Variants in LRRC7 observed in about 807,000 individuals in gnomAD.
LRRC7 encodes the protein leucine-rich repeat-containing protein 7.
A neutral mutation model predicts 175.7 loss-of-function variants in LRRC7; 23 were observed. The ratio of observed to expected loss-of-function variants is 0.13; its 90% CI spans 0.09 to 0.19. The LOEUF (loss-of-function observed/expected upper bound fraction) is 0.19, where lower values mean the gene tolerates loss of function less well. Ranked by LOEUF, LRRC7 falls within the 10% of genes least tolerant of loss-of-function variation. LRRC7 has a pLI of 1.00. For missense variants in LRRC7, 1,354 were observed against 1,904.7 expected (o/e 0.71, Z 5.38); for synonymous variants, 685 against 680.9 (o/e 1.01, Z -0.09).
chr1:69,879,646 G>T (rs1050935469), intron 7 of LRRC7: 2 of 152,448 alleles, frequency 1.3e-5, no homozygotes, highest in Admixed American at 1.3e-4. Context: ...TGAGGCAGGA[G>T]GATTTCTTGA....
intron 1 of LRRC7, among the ~76,000 whole-genome samples, chr1:69,571,908 C>T (rs1008492476): frequency 9.9e-5 from 15 of 152,158 alleles, no homozygotes; most frequent in African/African-American, 3.6e-4. Context: ...AAAATTATTT[C>T]AAACATATAT....
chr1:69,686,802 A>G (rs1314889968), intron 2 of LRRC7, among the ~76,000 whole-genome samples: 2 of 152,170 alleles, frequency 1.3e-5, no homozygotes, highest in Non-Finnish European at 2.9e-5. Context: ...TGGTTAAAAG[A>G]CAAAGCTTGT....
At chr1:70,067,676 T>TTGATAAGAATTAAACTGGTA (rs1662080177) in intron 23 of LRRC7, among the ~76,000 whole-genome samples, 1 of 152,128 alleles carries the variant, frequency 6.6e-6, no homozygotes, top group Non-Finnish European at 1.5e-5. Flanking sequence ...TGCTAGAATT[T>TTGATAAGAATTAAACTGGTA]TGATAAGAAT....
intron 8 of LRRC7, among the ~76,000 whole-genome samples, chr1:69,964,573 C>G (rs1557937243): frequency 1.3e-5 from 2 of 152,260 alleles, no homozygotes; most frequent in East Asian, 3.9e-4. Flanking sequence ...TTGTTTTACT[C>G]TATTTATAGC....
At chr1:69,986,885 A>C (rs1002740924) in intron 10 of LRRC7, among the ~76,000 whole-genome samples, 13 of 152,222 alleles carry the variant, frequency 8.5e-5, no homozygotes, top group Non-Finnish European at 1.5e-4. Context: ...TAACATGTTA[A>C]GATTCATTAG....
chr1:69,978,301 A>C (rs570984218), intron 8 of LRRC7, among the ~76,000 whole-genome samples: 16 of 63,386 alleles, frequency 2.5e-4, no homozygotes, highest in Non-Finnish European at 4.2e-4. Flanking sequence ...AGAGGAGGGG[A>C]GGGAAGAGGA....
chr1:69,580,736 A>G (rs1646165015), intron 1 of LRRC7, among the ~76,000 whole-genome samples: 1 of 152,162 alleles, frequency 6.6e-6, no homozygotes, highest in South Asian at 2.1e-4. Flanking sequence ...GACACGGTTG[A>G]GTACAAACCT....
chr1:69,943,987 CA>C (rs1553179070), intron 8 of LRRC7, among the ~76,000 whole-genome samples: 1 of 146,376 alleles, frequency 6.8e-6, no homozygotes, highest in South Asian at 2.1e-4. Flanking sequence ...CACACACACA[CA>C]ACATGAGATT....
At chr1:69,575,559 CTTTA>C (rs1024847119) in intron 1 of LRRC7, among the ~76,000 whole-genome samples, 10 of 152,066 alleles carry the variant, frequency 6.6e-5, no homozygotes, top group African/African-American at 2.2e-4. Flanking sequence ...TTTAAAATAT[CTTTA>C]TTTAAGAAAT....
In LRRC7 at chr1:70,143,467, T is replaced by C. The variant is rs1236396107; in HGVS notation, c.*21580T>C. The C allele has an allele frequency of 1.3e-5, 2 of 152,302 alleles. No individual in the cohort carries two copies. Among genetic ancestry groups the C allele is most frequent in the Non-Finnish European group, 2.9e-5 (2 of 68,012 alleles). 9.4% of individuals were successfully genotyped at this position (152,302 alleles called of 1,614,324 possible). ...AACATTGACATTTTACATAGACATATTGTATATTAATGCATGCATTTCACT... is the reference window on the plus strand; with the variant it reads ...AACATTGACATTTTACATAGACATACTGTATATTAATGCATGCATTTCACT... On this transcript the variant is annotated 3_prime_UTR_variant, in exon 27 of 27. Coordinates refer to ENST00000651989, the MANE Select transcript of LRRC7 (RefSeq NM_001370785.2).
rs1281268463 is a variant in LRRC7, at chr1:69,923,890, T to G, written c.648-7617T>G. On this transcript the variant is annotated intron_variant, in intron 7 of 26. Transcript: ENST00000651989. The stretch of plus-strand genomic sequence containing the variant: ...GAAGTCCTTGCCCATGCCTATGTCC[T>G]GAATGGTAATGCCTAGGTTTTCTTC... Among the ~76,000 whole-genome samples, 42 of 152,086 alleles carry G rather than the reference T, an allele frequency of 2.8e-4. 1 individual carries two copies. In the East Asian group the frequency reaches 4.6e-3, roughly 17 times the overall value.
At chr1:69,907,634 T>C (rs1646364275) in intron 7 of LRRC7, among the ~76,000 whole-genome samples, 1 of 152,202 alleles carries the variant, frequency 6.6e-6, no homozygotes, top group South Asian at 2.1e-4. Context: ...ATGGATAAGC[T>C]TTTTGATGTG....
chr1:69,906,235 T>C (rs956408833), intron 7 of LRRC7, among the ~76,000 whole-genome samples: 4 of 152,346 alleles, frequency 2.6e-5, no homozygotes, highest in African/African-American at 7.2e-5. Flanking sequence ...TGGTAGTTTC[T>C]TTTGCTGTGC....
chr1:69,620,741 TCTC>T (rs1307224819), intron 1 of LRRC7, among the ~76,000 whole-genome samples: 2 of 152,228 alleles, frequency 1.3e-5, no homozygotes, highest in East Asian at 1.9e-4. Flanking sequence ...GTTCTCATCT[TCTC>T]CTATTCATTT....
At chr1:69,767,325 A>C (rs971538081) in intron 3 of LRRC7, among the ~76,000 whole-genome samples, 1 of 152,184 alleles carries the variant, frequency 6.6e-6, no homozygotes, top group Non-Finnish European at 1.5e-5. Context: ...TGTTATTTTT[A>C]TATTACACAT....
intron 22 of LRRC7, among the ~76,000 whole-genome samples, chr1:70,050,418 T>C (rs1276103482): frequency 6.6e-6 from 1 of 152,116 alleles, no homozygotes; most frequent in African/African-American, 2.4e-5. Context: ...CCATCTTCTG[T>C]ATTATTTTGA....
chr1:69,600,800 CTTTTTTTT>C (rs59212223), intron 1 of LRRC7, among the ~76,000 whole-genome samples: 10 of 64,896 alleles, frequency 1.5e-4, no homozygotes, highest in African/African-American at 5.6e-4. Context: ...TCTCTGGTTT[CTTTTTTTT>C]TTTTTTTTTT....
chr1:69,998,625 C>A (rs1204169587), intron 11 of LRRC7, among the ~76,000 whole-genome samples: 3 of 152,162 alleles, frequency 2.0e-5, no homozygotes, highest in African/African-American at 7.2e-5. Context: ...CTGAATTCAA[C>A]TTCTTTTATC....
At chr1:69,612,606 A>G (rs928376878) in intron 1 of LRRC7, among the ~76,000 whole-genome samples, 1 of 152,074 alleles carries the variant, frequency 6.6e-6, no homozygotes, top group Admixed American at 6.6e-5. Flanking sequence ...GGGAATACCC[A>G]TAATGGTGAA....
Sources: allele counts gnomAD v4.1 joint callset (sites outside exome capture counted in the v4.1 genomes callset), GRCh38; gene constraint gnomAD v4.1.1; transcripts MANE v1.5; gene names NCBI Gene and HGNC (gene_info 2026-07-23, HGNC 2026-07-21).